METTL15: variants seen among roughly 807,000 people sequenced by gnomAD.
METTL15 encodes 12S rRNA N(4)-cytidine methyltransferase METTL15.
METTL15 carries 34 observed loss-of-function variants against 38.3 expected under a neutral mutation model. That is an observed-to-expected ratio of 0.89 (90% CI 0.68 to 1.18). METTL15 has a LOEUF of 1.18. METTL15 is among the 50% of genes most tolerant of loss of function. The probability of loss-of-function intolerance (pLI) is 0.00; values close to 1 mark genes in which losing one functional copy is unlikely to be tolerated. For missense variants in METTL15, 438 were observed against 498.4 expected (o/e 0.88, Z 1.15); for synonymous variants, 162 against 170.9 (o/e 0.95, Z 0.41).
At chr11:28,288,353 C>A (rs545833202) in intron 4 of METTL15, among the ~76,000 whole-genome samples, 1 of 152,112 alleles carries the variant, frequency 6.6e-6, no homozygotes, top group African/African-American at 2.4e-5. Context: ...ATTGTAAAGA[C>A]ACATGTGCAC....
At chr11:28,469,448 A>T (rs1337285118) in intron 6 of METTL15, among the ~76,000 whole-genome samples, 1 of 152,094 alleles carries the variant, frequency 6.6e-6, no homozygotes, top group Non-Finnish European at 1.5e-5. Flanking sequence ...CTCTTAGTAA[A>T]TTTCAAGTAT....
intron 3 of METTL15, among the ~76,000 whole-genome samples, chr11:28,162,116 G>A (rs968594013): frequency 6.6e-6 from 1 of 152,048 alleles, no homozygotes; most frequent in African/African-American, 2.4e-5. Context: ...CCTTCTTGCA[G>A]ATGAAACTGC....
At chr11:28,429,125 A>G (rs1182505543) in intron 6 of METTL15, among the ~76,000 whole-genome samples, 1 of 151,546 alleles carries the variant, frequency 6.6e-6, no homozygotes, top group African/African-American at 2.4e-5. Context: ...TACTTATCCT[A>G]CCCTATTTTG....
intron 4 of METTL15, among the ~76,000 whole-genome samples, chr11:28,247,982 T>C (rs138719040): frequency 6.6e-6 from 1 of 152,090 alleles, no homozygotes; most frequent in Non-Finnish European, 1.5e-5. Context: ...AATATGTCTT[T>C]GGGCTTTCAA....
intron 3 of METTL15, among the ~76,000 whole-genome samples, chr11:28,139,398 GGA>G (rs975321182): frequency 6.6e-6 from 1 of 152,152 alleles, no homozygotes; most frequent in Non-Finnish European, 1.5e-5. Context: ...GTTATGTGAG[GGA>G]GAGAGAGAAG....
intron 5 of METTL15, among the ~76,000 whole-genome samples, chr11:28,408,711 C>T (rs528365265): frequency 7.2e-5 from 11 of 152,160 alleles, no homozygotes; most frequent in African/African-American, 2.6e-4. Context: ...TAATATACAA[C>T]ATTATATTGA....
At chr11:28,432,590 A>G (rs942657292) in intron 6 of METTL15, among the ~76,000 whole-genome samples, 92 of 152,366 alleles carry the variant, frequency 6.0e-4, no homozygotes, top group African/African-American at 2.1e-3. Context: ...GACAAATCTA[A>G]GTTTGTACCT....
At chr11:28,510,676 C>T (rs565254989) in intron 6 of METTL15, among the ~76,000 whole-genome samples, 143 of 152,174 alleles carry the variant, frequency 9.4e-4, no homozygotes, top group African/African-American at 3.3e-3. Flanking sequence ...AGGTTGATGA[C>T]GGGCCCAAAA....
intron 6 of METTL15, among the ~76,000 whole-genome samples, chr11:28,481,563 A>G (rs1403448032): frequency 6.6e-6 from 1 of 151,890 alleles, no homozygotes; most frequent in Non-Finnish European, 1.5e-5. Context: ...CTGATTTCCC[A>G]CCCATCCAAT....
At chr11:28,294,305 A>T (rs185190311) in intron 5 of METTL15, among the ~76,000 whole-genome samples, 35 of 152,272 alleles carry the variant, frequency 2.3e-4, no homozygotes, top group African/African-American at 8.2e-4. Flanking sequence ...AACATGTGCA[A>T]TGCTAATCCA....
chr11:28,294,609 G>C (rs2133997516), intron 5 of METTL15, among the ~76,000 whole-genome samples: 1 of 152,214 alleles, frequency 6.6e-6, no homozygotes, highest in East Asian at 1.9e-4. Flanking sequence ...GTAATTAATT[G>C]TGTCTGTATT....
At chr11:28,137,687 A>G (rs1590790054) in intron 3 of METTL15, among the ~76,000 whole-genome samples, 2 of 152,292 alleles carry the variant, frequency 1.3e-5, no homozygotes, top group Admixed American at 1.3e-4. Flanking sequence ...CAGATCACAT[A>G]TTTACATTTT....
At chr11:28,150,477 G>C (rs72876445) in intron 3 of METTL15, among the ~76,000 whole-genome samples, 3 of 152,024 alleles carry the variant, frequency 2.0e-5, no homozygotes, top group Non-Finnish European at 2.9e-5. Context: ...TGAATATGAA[G>C]AGGGAGGAGA....
chr11:28,462,692 G>T lies in METTL15; in HGVS notation c.*424+38328G>T, dbSNP rs578085368. 2.4e-3 allele frequency among the ~76,000 whole-genome samples: 368 copies of T among 152,120 alleles called. 4 individuals are homozygous for T. The highest frequency in any genetic ancestry group is 7.8e-3 in the African/African-American group (325 of 41,526). On this transcript the variant is annotated intron_variant and NMD_transcript_variant, in intron 6 of 7. Transcript: ENST00000532947. ...TTAAACACCAAAGACCAGTGGGATA[G>T]CATCTGAATGGTCCAACTTGGATTC...
chr11:28,266,208 G>C (rs1255834505), intron 4 of METTL15, among the ~76,000 whole-genome samples: 1 of 152,136 alleles, frequency 6.6e-6, no homozygotes, highest in African/African-American at 2.4e-5. Context: ...CCCATTACTG[G>C]ATATATACCC....
At chr11:28,378,031 G>A (rs1192460049) in intron 5 of METTL15, among the ~76,000 whole-genome samples, 57 of 152,110 alleles carry the variant, frequency 3.7e-4, no homozygotes, top group Non-Finnish European at 5.7e-4. Flanking sequence ...CTCCAGCTGC[G>A]TACTGGGAGA....
intron 4 of METTL15, among the ~76,000 whole-genome samples, chr11:28,226,605 A>T (rs987554788): frequency 6.6e-6 from 1 of 151,906 alleles, no homozygotes; most frequent in African/African-American, 2.4e-5. Flanking sequence ...AGGAAGCCAG[A>T]GCAATGGCAA....
intron 6 of METTL15, among the ~76,000 whole-genome samples, chr11:28,441,423 T>C (rs1851033942): frequency 6.6e-6 from 1 of 152,180 alleles, no homozygotes; most frequent in Non-Finnish European, 1.5e-5. Flanking sequence ...AAAGTAATTA[T>C]GTTTGAAGCC....
At chr11:28,311,003 T>TGTGAGA (rs1245505037) in intron 6 of METTL15, among the ~76,000 whole-genome samples, 2 of 119,242 alleles carry the variant, frequency 1.7e-5, no homozygotes, top group African/African-American at 7.7e-5. Context: ...TGTGTGTGTG[T>TGTGAGA]GAGAGAGAGA....
Sources: gnomAD v4.1 joint callset for allele counts (sites outside exome capture counted in the v4.1 genomes callset) on GRCh38, gnomAD v4.1.1 for gene constraint, MANE v1.5 for transcripts, NCBI Gene and HGNC (gene_info 2026-07-23, HGNC 2026-07-21) for gene names.